The following DCC variants were observed in gnomAD, a reference collection of about 807,000 sequenced individuals.
DCC encodes netrin receptor DCC.
In DCC, 58 loss-of-function variants were observed where a neutral mutation model predicts 172.5. That is an observed-to-expected ratio of 0.34 (90% CI 0.27 to 0.42). DCC has a LOEUF of 0.42. DCC is among the 10% of genes least tolerant of loss of function. The probability of loss-of-function intolerance (pLI) is 1.00; values close to 1 mark genes in which losing one functional copy is unlikely to be tolerated. For missense variants in DCC, 1,740 were observed against 1,791.0 expected, an observed-to-expected ratio of 0.97 and a Z score of 0.51; for synonymous variants, 709 against 644.5, an observed-to-expected ratio of 1.10 and a Z score of -1.52.
chr18:52,976,459 G>C (rs1032289437), intron 5 of DCC, among the ~76,000 whole-genome samples: 3 of 151,874 alleles, frequency 2.0e-5, no homozygotes. Context: ...TAGGTTGTAG[G>C]ACCCCACTCG....
intron 1 of DCC, among the ~76,000 whole-genome samples, chr18:52,485,834 T>C (rs552684083): frequency 1.3e-5 from 2 of 152,260 alleles, no homozygotes; most frequent in African/African-American, 4.8e-5. Flanking sequence ...CAGTGGAATA[T>C]GATCTGTGAA....
intron 5 of DCC, among the ~76,000 whole-genome samples, chr18:53,057,317 A>C (rs547741949): frequency 6.6e-6 from 1 of 152,050 alleles, no homozygotes; most frequent in Admixed American, 6.6e-5. Context: ...CTTTTACCCA[A>C]ATTTAAGGTT....
Position 53,066,131 on chromosome 18 carries a change from C to G in DCC, c.1226C>G (p.Ala409Gly). 6.2e-7 allele frequency: 1 copy of G among 1,613,108 alleles called. No homozygotes were observed. The highest frequency in any genetic ancestry group is 8.5e-7 in the Non-Finnish European group (1 of 1,179,424). ...GTGGCTGAAAATGAGGCTGGAAATG[C>G]CCAGACCAGTGCACAGCTCATTGTC... ...QCVAENEAGN[A>G]QTSAQLIVPK... The change falls in exon 7 of 29, where the codon GCC (alanine) becomes GGC (glycine). Residue 409 changes from alanine (A) to glycine (G), a missense_variant. Physicochemically the swap from Ala to Gly is moderately conservative, Grantham distance 60 (BLOSUM62 0). Around this residue, in one of 2 missense-constraint regions of DCC, gnomAD observed 1,732 missense variants for 1,767.4 expected, o/e 0.98. Coordinates refer to ENST00000442544, the MANE Select transcript of DCC (RefSeq NM_005215.4).
chr18:52,903,756 C>T (rs1461340966), intron 2 of DCC, among the ~76,000 whole-genome samples: 2 of 152,154 alleles, frequency 1.3e-5, no homozygotes, highest in Non-Finnish European at 2.9e-5. Context: ...ACTCATTGCC[C>T]TACATAAGCC....
intron 1 of DCC, among the ~76,000 whole-genome samples, chr18:52,685,792 C>G (rs1275798050): frequency 6.6e-6 from 1 of 152,072 alleles, no homozygotes; most frequent in Non-Finnish European, 1.5e-5. Context: ...GGAAGGGATT[C>G]AAGGTAAATT....
intron 7 of DCC, among the ~76,000 whole-genome samples, chr18:53,104,690 T>C (rs2043219907): frequency 6.6e-6 from 1 of 152,078 alleles, no homozygotes; most frequent in Non-Finnish European, 1.5e-5. Flanking sequence ...GGATTATCTT[T>C]AAAGGTCAAA....
chr18:52,714,759 C>T (rs1007359126), intron 1 of DCC, among the ~76,000 whole-genome samples: 7 of 152,176 alleles, frequency 4.6e-5, no homozygotes, highest in Admixed American at 6.5e-5. Flanking sequence ...TACTAATATA[C>T]CGATAATTCT....
chr18:52,934,998 C>T (rs1325099326), intron 5 of DCC: 1 of 152,094 alleles, frequency 6.6e-6, no homozygotes, highest in Non-Finnish European at 1.5e-5. Flanking sequence ...AGAAGACTAA[C>T]ACAACTACAG....
At chr18:52,626,597 A>T (rs2034578073) in intron 1 of DCC, among the ~76,000 whole-genome samples, 2 of 152,170 alleles carry the variant, frequency 1.3e-5, no homozygotes, top group Non-Finnish European at 2.9e-5. Context: ...CAAAGTCTCC[A>T]AGTCCCTATA....
chr18:52,679,975 C>A (rs1002055316), intron 1 of DCC, among the ~76,000 whole-genome samples: 1 of 151,858 alleles, frequency 6.6e-6, no homozygotes, highest in African/African-American at 2.4e-5. Context: ...TAAAATTGTA[C>A]GGAATTCCAC....
At position 52,925,242 on chromosome 18, in the gene DCC, A is replaced by G; in HGVS notation, c.857A>G (p.Lys286Arg). ...TTCCCTATGTCTTGCAGGTCTAAAA[A>G]GTATTCTTTATTGGGTGGAAGCAAC... is the stretch of plus-strand genomic sequence containing the variant. ...GEEVIQLRSK[K>R]YSLLGGSNLL... The change falls in exon 5 of 29, where the codon AAG becomes AGG. Residue 286 changes from lysine to arginine, a missense_variant. By Grantham distance (26) the Lys-to-Arg change is conservative (BLOSUM62 2). Around this residue, in one of 2 missense-constraint regions of DCC, gnomAD observed 1,732 missense variants for 1,767.4 expected, o/e 0.98. Transcript: ENST00000442544. 6.2e-7 allele frequency: 1 copy of G among 1,612,316 alleles called. No homozygotes were observed. Among genetic ancestry groups the G allele is most frequent in the Non-Finnish European group, 8.5e-7 (1 of 1,178,666 alleles).
chr18:52,871,967 G>A (rs770860229), intron 2 of DCC, among the ~76,000 whole-genome samples: 1 of 152,004 alleles, frequency 6.6e-6, no homozygotes, highest in Non-Finnish European at 1.5e-5. Context: ...TACCTTAACT[G>A]TGGCTTTCAG....
intron 7 of DCC, among the ~76,000 whole-genome samples, chr18:53,122,781 T>TA (rs1336730464): frequency 6.6e-6 from 1 of 152,060 alleles, no homozygotes; most frequent in African/African-American, 2.4e-5. Flanking sequence ...GAAAATCACT[T>TA]AAAACTAGTT....
At position 53,377,352 on chromosome 18, in the gene DCC, T is replaced by TGAGAGAGAGAGAGAGAGAGA. The variant is rs59629030; in HGVS notation, c.2360-8673_2360-8654dup. Among the ~76,000 whole-genome samples, 132 of 137,342 alleles carry TGAGAGAGAGAGAGAGAGAGA rather than the reference T, an allele frequency of 9.6e-4. 1 individual carries two copies. Among genetic ancestry groups the TGAGAGAGAGAGAGAGAGAGA allele is most frequent in the African/African-American group, 2.7e-3 (100 of 36,678 alleles). The allele number at this position is 137,342 out of a possible 152,430, so 90.1% of individuals were successfully genotyped here. ...GCAGAAGGACAAGAAAAGATGCATT[T>TGAGAGAGAGAGAGAGAGAGA]GAGAGAGAGAGAGAGAGAGAGAGAG... is the stretch of plus-strand genomic sequence containing the variant. On this transcript the variant is annotated intron_variant, in intron 15 of 28. Coordinates refer to ENST00000442544, the MANE Select transcript of DCC (RefSeq NM_005215.4).
At chr18:53,429,427 G>A (rs11661221) in intron 21 of DCC, among the ~76,000 whole-genome samples, 65,395 of 151,154 alleles carry the variant, frequency 0.43, 15,906 homozygotes, top group Non-Finnish European at 0.56. Flanking sequence ...TGTAATAACT[G>A]TATGCTCACT....
intron 7 of DCC, among the ~76,000 whole-genome samples, chr18:53,135,027 A>G (rs1031520401): frequency 6.6e-6 from 1 of 152,182 alleles, no homozygotes; most frequent in African/African-American, 2.4e-5. Context: ...GTGAACACCA[A>G]TAGGAACCTA....
intron 27 of DCC, among the ~76,000 whole-genome samples, chr18:53,510,363 G>C (rs1267752063): frequency 6.6e-6 from 1 of 152,142 alleles, no homozygotes; most frequent in African/African-American, 2.4e-5. Flanking sequence ...CCCATGAATA[G>C]TGATAATGTT....
At chr18:53,333,429 A>G (rs977850077) in intron 14 of DCC, among the ~76,000 whole-genome samples, 2 of 152,226 alleles carry the variant, frequency 1.3e-5, no homozygotes, top group Non-Finnish European at 2.9e-5. Flanking sequence ...AAATGTGTGA[A>G]TATTTGTCAA....
At chr18:53,342,549 C>T (rs2057671960) in intron 15 of DCC, among the ~76,000 whole-genome samples, 1 of 150,980 alleles carries the variant, frequency 6.6e-6, no homozygotes, top group Non-Finnish European at 1.5e-5. Flanking sequence ...TACTTTTTGG[C>T]ATTTTTAAAA....
Sources: allele counts gnomAD v4.1 joint callset (sites outside exome capture counted in the v4.1 genomes callset), GRCh38; gene constraint gnomAD v4.1.1; regional missense constraint gnomAD v4.1.1; transcripts MANE v1.5; gene names NCBI Gene and HGNC (gene_info 2026-07-23, HGNC 2026-07-21).